Variants in GFRA3 observed in about 807,000 individuals in gnomAD.
GFRA3 encodes GDNF family receptor alpha 3.
In GFRA3, 24 loss-of-function variants were observed where a neutral mutation model predicts 40.0. That is an observed-to-expected ratio of 0.60 (90% CI 0.43 to 0.84). The LOEUF (loss-of-function observed/expected upper bound fraction) is 0.84. Among genes scored for constraint, GFRA3 ranks in the 40% least tolerant of loss-of-function variants. The pLI, the probability that GFRA3 is intolerant of heterozygous loss-of-function variation, is 0.00. For synonymous variants in GFRA3, 203 were observed against 213.5 expected, an observed-to-expected ratio of 0.95 and a Z score of 0.43; for missense variants, 405 against 530.6, an observed-to-expected ratio of 0.76 and a Z score of 2.33.
chr5:138,269,712 G>A (rs35002324), intron 1 of GFRA3, among the ~76,000 whole-genome samples: 28,028 of 150,922 alleles, frequency 0.19, 3,452 homozygotes, highest in South Asian at 0.36. Flanking sequence ...GCGTGGTGGC[G>A]TGTGCCTATA....
chr5:138,271,726 G>A (rs963623730), intron 1 of GFRA3, among the ~76,000 whole-genome samples: 2 of 148,390 alleles, frequency 1.3e-5, no homozygotes, highest in Non-Finnish European at 3.0e-5. Flanking sequence ...CTGCATGCAT[G>A]CACTACCACG....
At chr5:138,267,893 A>G (rs1324935687) in intron 1 of GFRA3, 1 of 152,228 alleles carries the variant, frequency 6.6e-6, no homozygotes, top group African/African-American at 2.4e-5. Flanking sequence ...TGGGGAAAGA[A>G]CAGCCTTTTC....
At chr5:138,271,976 G>A (rs1235856064) in intron 1 of GFRA3, among the ~76,000 whole-genome samples, 1 of 118,864 alleles carries the variant, frequency 8.4e-6, no homozygotes, top group Non-Finnish European at 1.7e-5. Flanking sequence ...TGTTTGGTTG[G>A]TTTTTTTTGC....
chr5:138,256,835 T>A (rs1311870372), intron 4 of GFRA3, among the ~76,000 whole-genome samples: 1 of 151,076 alleles, frequency 6.6e-6, no homozygotes, highest in Non-Finnish European at 1.5e-5. Flanking sequence ...TAGTCCTAGC[T>A]ACTCGAGAGA....
chr5:138,262,674 G>A (rs1179381388), intron 2 of GFRA3, among the ~76,000 whole-genome samples: 1 of 152,012 alleles, frequency 6.6e-6, no homozygotes, highest in Non-Finnish European at 1.5e-5. Flanking sequence ...GGCTGGTCTT[G>A]AACTCCTGGG....
In GFRA3 at chr5:138,268,994, A is replaced by G. The variant is rs548540816; in HGVS notation, c.92-4446T>C. Reference sequence around the variant, plus strand: ...AAAAGTGGGCTAAGGACATGAATAGACAATTCTCAAAAGAAGATACACAAA... The same window carrying G: ...AAAAGTGGGCTAAGGACATGAATAGGCAATTCTCAAAAGAAGATACACAAA... On this transcript the variant is annotated intron_variant, in intron 1 of 7. Transcript: ENST00000274721. 3.9e-5 allele frequency among the ~76,000 whole-genome samples: 6 copies of G among 152,246 alleles called. No homozygotes were observed. The East Asian group carries it at 1.2e-3, about 29-fold the overall frequency.
intron 1 of GFRA3, among the ~76,000 whole-genome samples, chr5:138,265,107 C>T (rs545965920): frequency 9.9e-5 from 15 of 152,010 alleles, no homozygotes; most frequent in Admixed American, 3.3e-4. Context: ...CTCCACAGCC[C>T]GGAAGGAAGC....
At position 138,257,699 on chromosome 5, in the gene GFRA3, G is replaced by A. The variant is rs573286530; in HGVS notation, c.725C>T (p.Pro242Leu). The change falls in exon 4 of 8, where the codon CCG becomes CTG. Residue 242 changes from proline (P) to leucine (L), a missense_variant. Physicochemically the swap from Pro to Leu is moderately conservative, Grantham distance 98. Coordinates refer to ENST00000274721, the MANE Select transcript of GFRA3 (RefSeq NM_001496.4). ...CTCCAGGCAGTTGGGGGCCACAGGC[G>A]GCAGCGCGCAGTTGGGGGCGATGGT... ...RNTIAPNCALPPVAPNCLELR... is the reference protein window; with the variant it reads ...RNTIAPNCALLPVAPNCLELR... 1.2e-6 allele frequency: 2 copies of A among 1,609,944 alleles called. No individual in the cohort carries two copies. Among genetic ancestry groups the A allele is most frequent in the Non-Finnish European group, 1.7e-6 (2 of 1,179,030 alleles).
intron 1 of GFRA3, among the ~76,000 whole-genome samples, chr5:138,269,791 C>T (rs1207782027): frequency 1.4e-5 from 2 of 146,926 alleles, no homozygotes; most frequent in Admixed American, 6.9e-5. Context: ...TGCAGTGAGC[C>T]GAGATCATGC....
chr5:138,256,891 G>T (rs1280950586), intron 4 of GFRA3, among the ~76,000 whole-genome samples: 1 of 149,358 alleles, frequency 6.7e-6, no homozygotes, highest in Non-Finnish European at 1.5e-5. Flanking sequence ...TGGTTGCAGT[G>T]AGCCAAGATC....
At chr5:138,261,168 T>C (rs1244554745) in intron 2 of GFRA3, among the ~76,000 whole-genome samples, 1 of 152,200 alleles carries the variant, frequency 6.6e-6, no homozygotes, top group Non-Finnish European at 1.5e-5. Context: ...CAGTCTTCAT[T>C]ATGCAGTGGC....
At chr5:138,265,497 C>G (rs939092003) in intron 1 of GFRA3, among the ~76,000 whole-genome samples, 2 of 152,066 alleles carry the variant, frequency 1.3e-5, no homozygotes, top group African/African-American at 4.8e-5. Context: ...GGATTACAGG[C>G]GTGAGCCACC....
intron 1 of GFRA3, among the ~76,000 whole-genome samples, chr5:138,271,117 C>T (rs1041841118): frequency 6.6e-6 from 1 of 152,060 alleles, no homozygotes; most frequent in Non-Finnish European, 1.5e-5. Flanking sequence ...CTCAGCCTCC[C>T]AACTAGCTGG....
Position 138,273,237 on chromosome 5 carries a change from A to G in GFRA3, c.91+1097T>C, listed in dbSNP as rs1422275867. On this transcript the variant is annotated intron_variant, in intron 1 of 7. Transcript: ENST00000274721. ...CTGTTGGTCTGTGCTCTTGAAGAGC[A>G]CTTGGCTCTACATGGTACCTCCTAG... Among the ~76,000 whole-genome samples the G allele has an allele frequency of 5.9e-5, 9 of 152,308 alleles. No homozygotes were observed. In the East Asian group the frequency reaches 1.7e-3, roughly 29 times the overall value.
Position 138,253,912 on chromosome 5 carries a change from G to A in GFRA3, c.890-12C>T. 1 of 1,612,520 alleles carries A rather than the reference G, an allele frequency of 6.2e-7. No individual in the cohort carries two copies. The highest frequency in any genetic ancestry group is 8.5e-7 in the Non-Finnish European group (1 of 1,178,736). The stretch of plus-strand genomic sequence containing the variant: ...GGTCATGGCAGTCCCTGTGAAGAGG[G>A]AAAGGGTAGTCAAGGCCTAGGCTAA... On this transcript the variant is annotated splice_polypyrimidine_tract_variant and intron_variant, in intron 5 of 7. Coordinates refer to ENST00000274721, the MANE Select transcript of GFRA3 (RefSeq NM_001496.4).
Position 138,274,500 on chromosome 5 carries a change from G to T in GFRA3, c.-76C>A. The T allele has an allele frequency of 8.1e-7, 1 of 1,240,946 alleles. No individual in the cohort carries two copies. The highest frequency in any genetic ancestry group is 1.0e-6 in the Non-Finnish European group (1 of 991,950). The allele number at this position is 1,240,946 out of a possible 1,614,324, so 76.9% of individuals were successfully genotyped here. On this transcript the variant is annotated 5_prime_UTR_variant, in exon 1 of 8. Coordinates refer to ENST00000274721, the MANE Select transcript of GFRA3 (RefSeq NM_001496.4). Reference sequence around the variant, plus strand: ...CTCTGAGAGCGGGGCTCCCTCGACCGGCACCTCCCGCCCCCGCCTCCCGCC... The same window carrying T: ...CTCTGAGAGCGGGGCTCCCTCGACCTGCACCTCCCGCCCCCGCCTCCCGCC...
At chr5:138,261,676 A>G (rs1158291179) in intron 2 of GFRA3, among the ~76,000 whole-genome samples, 1 of 142,318 alleles carries the variant, frequency 7.0e-6, no homozygotes, top group Middle Eastern at 3.2e-3. Flanking sequence ...CCAGGGCAAC[A>G]GAGGAAGACT....
At chr5:138,259,692 T>TG (rs760910052) in intron 2 of GFRA3, 43 bp from the exon 3 acceptor site, 2 of 857,574 alleles carry the variant, frequency 2.3e-6, no homozygotes, top group Admixed American at 3.4e-5. Context: ...AGGACCAGGG[T>TG]GGGGTAGGCT....
intron 2 of GFRA3, among the ~76,000 whole-genome samples, chr5:138,261,744 T>C (rs1314961849): frequency 1.3e-5 from 2 of 151,110 alleles, no homozygotes; most frequent in Non-Finnish European, 2.9e-5. Flanking sequence ...TGCCACTGTT[T>C]CTTGTATTCA....
Sources: gnomAD v4.1 joint callset for allele counts (sites outside exome capture counted in the v4.1 genomes callset) on GRCh38, gnomAD v4.1.1 for gene constraint, MANE v1.5 for transcripts, NCBI Gene and HGNC (gene_info 2026-07-23, HGNC 2026-07-21) for gene names.